The following VPS13B variants were observed in gnomAD, a reference collection of about 807,000 sequenced individuals.
VPS13B encodes the protein vacuolar protein sorting 13 homolog B.
VPS13B carries 285 observed loss-of-function variants against 426.4 expected under a neutral mutation model. The ratio of observed to expected loss-of-function variants is 0.67; its 90% confidence interval spans 0.61 to 0.74. The LOEUF (loss-of-function observed/expected upper bound fraction) is 0.74, where lower values mean the gene tolerates loss of function less well. Ranked by LOEUF, VPS13B falls within the 30% of genes least tolerant of loss-of-function variation. The pLI is 0.00. For synonymous variants in VPS13B, 1,676 were observed against 1,676.4 expected, an observed-to-expected ratio of 1.00 and a Z score of 0.01; for missense variants, 4,537 against 4,782.6, an observed-to-expected ratio of 0.95 and a Z score of 1.51.
intron 44 of VPS13B, among the ~76,000 whole-genome samples, chr8:99,817,116 C>T (rs891479344): frequency 2.0e-5 from 3 of 151,940 alleles, no homozygotes; most frequent in African/African-American, 4.8e-5. Context: ...TTCATCCCTT[C>T]TTCTCTGGCC....
intron 33 of VPS13B, among the ~76,000 whole-genome samples, chr8:99,601,675 T>G (rs1827306613): frequency 6.6e-6 from 1 of 152,226 alleles, no homozygotes; most frequent in Non-Finnish European, 1.5e-5. Flanking sequence ...TTTCTTGACT[T>G]TTTAATGATC....
chr8:99,657,134 A>G (rs936114415), intron 34 of VPS13B, among the ~76,000 whole-genome samples: 33 of 152,106 alleles, frequency 2.2e-4, no homozygotes, highest in Non-Finnish European at 3.7e-4. Flanking sequence ...TGTGTCTCCT[A>G]TTAAGTCATC....
chr8:99,294,423 G>T (rs1308269555), intron 19 of VPS13B, among the ~76,000 whole-genome samples: 11 of 141,914 alleles, frequency 7.8e-5, no homozygotes, highest in South Asian at 2.4e-4. Flanking sequence ...ATAGCATTGG[G>T]AGATATACCT....
chr8:99,050,647 C>T (rs1157457867), intron 3 of VPS13B, among the ~76,000 whole-genome samples: 1 of 152,182 alleles, frequency 6.6e-6, no homozygotes, highest in Non-Finnish European at 1.5e-5. Context: ...TACAGTCCCA[C>T]CAACAGTGTA....
intron 3 of VPS13B, among the ~76,000 whole-genome samples, chr8:99,041,669 G>A (rs1186566699): frequency 2.0e-5 from 3 of 152,112 alleles, no homozygotes; most frequent in African/African-American, 7.2e-5. Context: ...CTGGCTAACA[G>A]GGTGAAAACC....
At chr8:99,306,050 C>T (rs1368276485) in intron 19 of VPS13B, among the ~76,000 whole-genome samples, 2 of 152,030 alleles carry the variant, frequency 1.3e-5, no homozygotes, top group Non-Finnish European at 2.9e-5. Context: ...CAAAAGTTTT[C>T]GCTTATGTTT....
intron 44 of VPS13B, among the ~76,000 whole-genome samples, chr8:99,816,982 G>A (rs1291012903): frequency 1.3e-5 from 2 of 151,992 alleles, no homozygotes; most frequent in Non-Finnish European, 1.5e-5. Context: ...AGAGCTAAAT[G>A]ATTTTCAATT....
chr8:99,191,312 A>G (rs568937179), intron 16 of VPS13B, among the ~76,000 whole-genome samples: 50 of 150,320 alleles, frequency 3.3e-4, no homozygotes, highest in African/African-American at 1.1e-3. Flanking sequence ...AGTTTTCTTC[A>G]AATTGCTTGA....
At chr8:99,735,572 C>A (rs1337722326) in intron 39 of VPS13B, among the ~76,000 whole-genome samples, 1 of 152,176 alleles carries the variant, frequency 6.6e-6, no homozygotes, top group African/African-American at 2.4e-5. Flanking sequence ...TCTCTATTGC[C>A]TTCAGAGGGA....
At chr8:99,580,078 G>A (rs544442643) in intron 33 of VPS13B, among the ~76,000 whole-genome samples, 20 of 151,894 alleles carry the variant, frequency 1.3e-4, no homozygotes, top group Non-Finnish European at 5.9e-5. Flanking sequence ...GGAAAATGGA[G>A]GAAGATATAC....
At chr8:99,188,381 G>T (rs1318819643) in intron 16 of VPS13B, among the ~76,000 whole-genome samples, 5 of 151,934 alleles carry the variant, frequency 3.3e-5, no homozygotes, top group Non-Finnish European at 7.4e-5. Flanking sequence ...TATTTTAAAG[G>T]TTCATCCATG....
intron 30 of VPS13B, among the ~76,000 whole-genome samples, chr8:99,533,928 A>G (rs1588469878): frequency 6.6e-6 from 1 of 152,280 alleles, no homozygotes; most frequent in East Asian, 1.9e-4. Flanking sequence ...CCCAACTTTT[A>G]ATTTCTTCCT....
At chr8:99,096,579 A>AAC in intron 4 of VPS13B, 147 bp downstream of exon 4, 1 of 1,136,272 alleles carries the variant, frequency 8.8e-7, no homozygotes, top group Non-Finnish European at 1.3e-6. Flanking sequence ...AACATGGTGA[A>AAC]GCCATGTCTC....
intron 3 of VPS13B, among the ~76,000 whole-genome samples, chr8:99,046,720 T>C (rs1843259490): frequency 6.6e-6 from 1 of 152,290 alleles, no homozygotes; most frequent in African/African-American, 2.4e-5. Flanking sequence ...ATGTTACTTG[T>C]ATGCCAATTT....
chr8:99,377,081 A>T (rs996969083), intron 19 of VPS13B, among the ~76,000 whole-genome samples: 1 of 151,988 alleles, frequency 6.6e-6, no homozygotes, highest in African/African-American at 2.4e-5. Context: ...TCCTTAGGTG[A>T]TCTGTCTTTT....
intron 19 of VPS13B, among the ~76,000 whole-genome samples, chr8:99,349,108 C>T (rs988418128): frequency 1.3e-5 from 2 of 150,758 alleles, no homozygotes; most frequent in Non-Finnish European, 3.0e-5. Context: ...CCGAGGCGGG[C>T]GGATCACGAG....
chr8:99,685,689 T>C (rs1192238283), intron 35 of VPS13B, among the ~76,000 whole-genome samples: 1 of 152,244 alleles, frequency 6.6e-6, no homozygotes, highest in Non-Finnish European at 1.5e-5. Context: ...AATTTTTGCT[T>C]ATTTTAAATT....
chr8:99,823,769 C>T, intron 50 of VPS13B, 63 bp from the exon 51 acceptor site: 1 of 1,541,646 alleles, frequency 6.5e-7, no homozygotes, highest in Non-Finnish European at 8.9e-7. Context: ...TTTAGGAATA[C>T]TCAAGAGATT....
intron 23 of VPS13B, among the ~76,000 whole-genome samples, chr8:99,457,920 T>C (rs1818575085): frequency 6.6e-6 from 1 of 152,240 alleles, no homozygotes; most frequent in Non-Finnish European, 1.5e-5. Flanking sequence ...CTGATTTCTT[T>C]TTTTTATATA....
Sources: gnomAD v4.1 joint callset for allele counts (sites outside exome capture counted in the v4.1 genomes callset) on GRCh38, gnomAD v4.1.1 for gene constraint, MANE v1.5 for transcripts, NCBI Gene and HGNC (gene_info 2026-07-23, HGNC 2026-07-21) for gene names.